The following PDSS1 variants were observed in gnomAD, a reference collection of about 807,000 sequenced individuals.
PDSS1 encodes the protein all trans-polyprenyl-diphosphate synthase PDSS1.
Under a neutral mutation model 57.5 loss-of-function variants are expected in PDSS1, and 43 were observed. The observed-to-expected ratio is 0.75, with a 90% CI of 0.59 to 0.96. PDSS1 has a LOEUF of 0.96. Ranked by LOEUF, PDSS1 falls within the 50% of genes least tolerant of loss-of-function variation. The pLI is 0.00. For synonymous variants in PDSS1, 175 were observed against 191.3 expected (o/e 0.91, Z 0.70); for missense variants, 438 against 527.8 (o/e 0.83, Z 1.67).
intron 10 of PDSS1, among the ~76,000 whole-genome samples, chr10:26,740,342 C>T (rs75148871): frequency 3.7e-4 from 57 of 152,068 alleles, no homozygotes; most frequent in African/African-American, 1.1e-3. Flanking sequence ...GCTTTTTTAC[C>T]GTAGAAGTTG....
chr10:26,730,949 T>G (rs189112373), intron 8 of PDSS1, among the ~76,000 whole-genome samples: 2 of 152,086 alleles, frequency 1.3e-5, no homozygotes, highest in Admixed American at 6.6e-5. Context: ...AGGGCTGGGC[T>G]TGTAATCCCA....
intron 9 of PDSS1, 43 bp downstream of exon 9, chr10:26,735,363 C>G (rs1174913275): frequency 3.5e-6 from 5 of 1,423,418 alleles, no homozygotes; most frequent in South Asian, 1.1e-5. Flanking sequence ...CGTAGTGATA[C>G]AGTCAGCATT....
rs1229415074 is a variant in PDSS1 at position 26,720,293 on chromosome 10, C to T, written c.543C>T (p.Asp181=). Residue 181 remains aspartate (D), a synonymous_variant, in exon 6 of 12, where the codon GAC becomes GAT. Transcript: ENST00000376215. ...MIHTASLVHD[D]VIDDASSRRG... is the part of the protein sequence containing the mutation. ...ACACTGCTAGTCTGGTTCACGATGACGTTATTGACGATGCAAGTTCTCGAA... is the reference window on the plus strand; with the variant it reads ...ACACTGCTAGTCTGGTTCACGATGATGTTATTGACGATGCAAGTTCTCGAA... 3.1e-6 allele frequency: 5 copies of T among 1,613,966 alleles called. No homozygotes were observed. Among genetic ancestry groups the T allele is most frequent in the African/African-American group, 1.3e-5 (1 of 75,034 alleles).
intron 3 of PDSS1, 90 bp from the exon 4 acceptor site, chr10:26,705,196 G>T: frequency 2.7e-6 from 2 of 739,030 alleles, no homozygotes; most frequent in South Asian, 1.5e-5. Context: ...CAAATATTTG[G>T]GCTGAATTTT....
intron 4 of PDSS1, 55 bp downstream of exon 4, chr10:26,705,449 A>C (rs1835181400): frequency 1.4e-6 from 1 of 722,674 alleles, no homozygotes; most frequent in Non-Finnish European, 2.2e-6. Context: ...AACTTACTAA[A>C]ATTTTATTTT....
At chr10:26,705,180 T>A in intron 3 of PDSS1, 106 bp from the exon 4 acceptor site, 1 of 710,164 alleles carries the variant, frequency 1.4e-6, no homozygotes, top group Non-Finnish European at 2.6e-6. Context: ...CATGATTAAT[T>A]TCTAGCAAAT....
At chr10:26,732,979 T>C (rs1436130620) in intron 8 of PDSS1, among the ~76,000 whole-genome samples, 2 of 152,054 alleles carry the variant, frequency 1.3e-5, no homozygotes, top group Admixed American at 6.6e-5. Flanking sequence ...CGTGGTGGCA[T>C]ACGGAGGTTG....
At position 26,709,720 on chromosome 10, in the gene PDSS1, T is replaced by C. The variant is rs1344055972; in HGVS notation, c.419T>C (p.Ile140Thr). ...AAAGGGAAAGCCTTTCGACCAATTA[T>C]TGTGGCGCTAATGGCCCGAGCATGC... ...DGKGKAFRPIIVALMARACNI... is the reference protein window; with the variant it reads ...DGKGKAFRPITVALMARACNI... The change falls in exon 5 of 12, where the codon ATT (isoleucine) becomes ACT (threonine). Residue 140 changes from isoleucine (I) to threonine (T), a missense_variant. Physicochemically the swap from Ile to Thr is moderately conservative, Grantham distance 89 (BLOSUM62 -1). Coordinates refer to ENST00000376215, the MANE Select transcript of PDSS1 (RefSeq NM_014317.5). The C allele has an allele frequency of 5.0e-6, 8 of 1,614,048 alleles. No homozygotes were observed. The East Asian group carries it at 1.8e-4, about 36-fold the overall frequency.
rs1163568548 is a variant in PDSS1, at chr10:26,712,967, G to GTTT, written c.467+3208_467+3210dup. 4.1e-3 allele frequency among the ~76,000 whole-genome samples: 351 copies of GTTT among 85,232 alleles called. 84 individuals are homozygous for GTTT. Among genetic ancestry groups the GTTT allele is most frequent in the African/African-American group, 0.012 (324 of 26,732 alleles). The allele number at this position is 85,232 out of a possible 152,430, so 55.9% of individuals were successfully genotyped here. A position where few individuals can be genotyped will look rare whatever the true frequency, so the allele number is the denominator to read the frequency against. The stretch of plus-strand genomic sequence containing the variant: ...AGATGCTGTGTTTTTTTGTTTTTTT[G>GTTT]TTTTTTTTTTTGCTTCTGAGGTATG... On this transcript the variant is annotated intron_variant, in intron 5 of 11. Coordinates refer to ENST00000376215, the MANE Select transcript of PDSS1 (RefSeq NM_014317.5).
intron 6 of PDSS1, among the ~76,000 whole-genome samples, chr10:26,722,045 C>A (rs1223200826): frequency 6.6e-6 from 1 of 152,142 alleles, no homozygotes; most frequent in Non-Finnish European, 1.5e-5. Context: ...TAACTCCCAC[C>A]CCTGGCCGTC....
At chr10:26,734,838 A>G in intron 8 of PDSS1, 1 of 445,818 alleles carries the variant, frequency 2.2e-6, no homozygotes, top group Non-Finnish European at 4.5e-6. Flanking sequence ...ATTAAAGCCA[A>G]CAGTAATCGG....
At chr10:26,719,489 G>A (rs907673897) in intron 5 of PDSS1, among the ~76,000 whole-genome samples, 2 of 152,200 alleles carry the variant, frequency 1.3e-5, no homozygotes, top group African/African-American at 2.4e-5. Flanking sequence ...ACATTACTAC[G>A]CGGGGTGCGG....
rs770548630 is a variant in PDSS1 at position 26,736,523 on chromosome 10, C to T, written c.1026+944C>T. ...TGTCCTCCATAAAATTCAGTGATTCCACTGTGATACAGAAACCACGGCCCT... is the reference window on the plus strand; with the variant it reads ...TGTCCTCCATAAAATTCAGTGATTCTACTGTGATACAGAAACCACGGCCCT... On this transcript the variant is annotated intron_variant, in intron 10 of 11. Transcript: ENST00000376215. Among the ~76,000 whole-genome samples the T allele has an allele frequency of 6.6e-5, 10 of 152,262 alleles. No individual in the cohort carries two copies. The South Asian group carries it at 8.3e-4, about 13-fold the overall frequency.
chr10:26,746,501 A>C lies in PDSS1; in HGVS notation c.*28A>C. On this transcript the variant is annotated 3_prime_UTR_variant, in exon 12 of 12. Transcript: ENST00000376215. ...ACTCTTTCTGTTCTTTCTGGCAGCT[A>C]TCTTACCAGACTGTGCCTAAAGAAT... The C allele has an allele frequency of 5.0e-6, 8 of 1,611,822 alleles. No individual in the cohort carries two copies. Among genetic ancestry groups the C allele is most frequent in the Non-Finnish European group, 5.1e-6 (6 of 1,177,972 alleles).
intron 5 of PDSS1, among the ~76,000 whole-genome samples, chr10:26,713,068 G>A (rs1476852610): frequency 1.0e-5 from 1 of 96,024 alleles, no homozygotes; most frequent in Admixed American, 1.3e-4. Context: ...TGAGGCAGGC[G>A]GGTCACGAGG....
chr10:26,714,320 A>G (rs545771622), intron 5 of PDSS1, among the ~76,000 whole-genome samples: 3 of 152,128 alleles, frequency 2.0e-5, no homozygotes, highest in African/African-American at 7.2e-5. Flanking sequence ...CAAAAAATAT[A>G]AAAATTAGCC....
intron 8 of PDSS1, chr10:26,734,598 GAA>G (rs1440096045): frequency 2.3e-6 from 1 of 443,714 alleles, no homozygotes; most frequent in East Asian, 7.0e-5. Context: ...TCTTTTGAGA[GAA>G]ATGTGGAAAC....
At chr10:26,726,621 A>G (rs753371378) in intron 8 of PDSS1, among the ~76,000 whole-genome samples, 37 of 152,198 alleles carry the variant, frequency 2.4e-4, no homozygotes, top group Non-Finnish European at 4.0e-4. Flanking sequence ...TGCAAAATGT[A>G]TTGAGAATTG....
At chr10:26,727,731 C>T (rs1836006567) in intron 8 of PDSS1, among the ~76,000 whole-genome samples, 1 of 151,982 alleles carries the variant, frequency 6.6e-6, no homozygotes, top group Non-Finnish European at 1.5e-5. Flanking sequence ...CAGTTGTGAA[C>T]TGTTATAACG....
Sources: allele counts gnomAD v4.1 joint callset (sites outside exome capture counted in the v4.1 genomes callset), GRCh38; gene constraint gnomAD v4.1.1; transcripts MANE v1.5; gene names NCBI Gene and HGNC (gene_info 2026-07-23, HGNC 2026-07-21).